Variants in DOCK9 observed in about 807,000 individuals in gnomAD.
The protein encoded by DOCK9 is dedicator of cytokinesis protein 9.
A neutral mutation model predicts 263.3 loss-of-function variants in DOCK9; 89 were observed. That is an observed-to-expected ratio of 0.34 (90% CI 0.28 to 0.40). The LOEUF (loss-of-function observed/expected upper bound fraction) is 0.40. DOCK9 is among the 10% of genes least tolerant of loss of function. The pLI is 1.00. For missense variants in DOCK9, 2,140 were observed against 2,603.4 expected, an observed-to-expected ratio of 0.82 and a Z score of 3.87; for synonymous variants, 976 against 973.1, an observed-to-expected ratio of 1.00 and a Z score of -0.06.
intron 6 of DOCK9, 42 bp from the exon 7 acceptor site, chr13:98,921,130 G>A: frequency 6.4e-7 from 1 of 1,561,942 alleles, no homozygotes. Context: ...TCAAAATGAA[G>A]AGGGTCACAA....
chr13:98,881,724 C>T, intron 24 of DOCK9, 97 bp from the exon 25 acceptor site: 1 of 1,345,568 alleles, frequency 7.4e-7, no homozygotes, highest in Non-Finnish European at 1.0e-6. Flanking sequence ...ATGCTATCAG[C>T]ACTTAGGAAA....
chr13:98,978,275 A>T (rs1440622567), upstream of DOCK9, among the ~76,000 whole-genome samples: 1 of 152,256 alleles, frequency 6.6e-6, no homozygotes, highest in Non-Finnish European at 1.5e-5. Flanking sequence ...TGCAGTGTTT[A>T]AAAGAAAACC....
intron 1 of DOCK9, among the ~76,000 whole-genome samples, chr13:99,001,411 A>G (rs1202814707): frequency 6.6e-6 from 1 of 152,206 alleles, no homozygotes; most frequent in African/African-American, 2.4e-5. Context: ...GTATCTTTTC[A>G]TCCTCTTTCT....
chr13:99,027,785 C>T (rs1181059466), intron 1 of DOCK9, among the ~76,000 whole-genome samples: 2 of 152,156 alleles, frequency 1.3e-5, no homozygotes, highest in African/African-American at 4.8e-5. Context: ...CAGGACCACT[C>T]GTGGCTCATG....
chr13:98,978,928 T>A (rs1876130564), upstream of DOCK9, among the ~76,000 whole-genome samples: 2 of 152,118 alleles, frequency 1.3e-5, no homozygotes, highest in Admixed American at 6.5e-5. Context: ...TTCCTCACAT[T>A]TAACAGTGGA....
At chr13:98,950,054 A>C in intron 2 of DOCK9, 2 of 461,068 alleles carry the variant, frequency 4.3e-6, no homozygotes, top group Non-Finnish European at 8.2e-6. Flanking sequence ...AGGTTCTACT[A>C]TAAGCAACAT....
intron 9 of DOCK9, among the ~76,000 whole-genome samples, chr13:98,909,906 G>T (rs76244549): frequency 3.9e-5 from 6 of 152,120 alleles, no homozygotes; most frequent in Non-Finnish European, 8.8e-5. Context: ...ATGCAACTGT[G>T]GAAGATTTAC....
chr13:99,074,675 T>G (rs944991121), intron 1 of DOCK9, among the ~76,000 whole-genome samples: 1 of 152,256 alleles, frequency 6.6e-6, no homozygotes, highest in Non-Finnish European at 1.5e-5. Flanking sequence ...TCATGTGAAT[T>G]CTTGGTAAAC....
chr13:98,942,590 T>C (rs556373806), intron 2 of DOCK9, among the ~76,000 whole-genome samples: 12 of 152,332 alleles, frequency 7.9e-5, no homozygotes, highest in African/African-American at 2.6e-4. Context: ...CATAATTCTG[T>C]GTGAACATCT....
Position 98,897,661 on chromosome 13 carries a change from C to T in DOCK9, c.1587-51G>A, listed in dbSNP as rs139590929. 4.6e-4 allele frequency: 735 copies of T among 1,600,296 alleles called. 2 individuals carry two copies. In the African/African-American group the frequency reaches 8.0e-3, roughly 18 times the overall value. On this transcript the variant is annotated intron_variant, in intron 14 of 52. Transcript: ENST00000682017. ...AACTGGGTTTCCAAAACACCAAAATCAATTCATTATTTAAGTCTAGTTTCT... is the reference window on the plus strand; with the variant it reads ...AACTGGGTTTCCAAAACACCAAAATTAATTCATTATTTAAGTCTAGTTTCT...
At chr13:99,004,594 TC>T (rs947627755) in intron 1 of DOCK9, among the ~76,000 whole-genome samples, 1 of 152,188 alleles carries the variant, frequency 6.6e-6, no homozygotes, top group Non-Finnish European at 1.5e-5. Context: ...CTCCAAGTGG[TC>T]CCTCTGCTTC....
intron 34 of DOCK9, among the ~76,000 whole-genome samples, chr13:98,854,902 T>G (rs1435090325): frequency 1.3e-5 from 2 of 152,136 alleles, no homozygotes; most frequent in Non-Finnish European, 2.9e-5. Context: ...TGAGGAAGGA[T>G]GTCTTCCGGG....
At chr13:99,001,489 T>A (rs1290855159) in intron 1 of DOCK9, among the ~76,000 whole-genome samples, 1 of 152,226 alleles carries the variant, frequency 6.6e-6, no homozygotes, top group Non-Finnish European at 1.5e-5. Flanking sequence ...TTTCATTCAG[T>A]TTCTCTTGTG....
intron 1 of DOCK9, among the ~76,000 whole-genome samples, chr13:98,997,540 G>A (rs1656429571): frequency 6.6e-6 from 1 of 152,346 alleles, no homozygotes; most frequent in African/African-American, 2.4e-5. Context: ...GAGCAGACCA[G>A]TAGCGATGTG....
chr13:98,912,169 A>T (rs1156307856), intron 9 of DOCK9, among the ~76,000 whole-genome samples: 1 of 152,134 alleles, frequency 6.6e-6, no homozygotes, highest in African/African-American at 2.4e-5. Context: ...ACTATGCCCG[A>T]CCTAAAAAAA....
At chr13:98,856,240 A>T in intron 33 of DOCK9, 1 of 458,638 alleles carries the variant, frequency 2.2e-6, no homozygotes, top group Non-Finnish European at 3.8e-6. Context: ...TCAGATGTAA[A>T]CATCAATTCA....
In DOCK9 at chr13:98,943,870, C is replaced by T. The variant is rs2056325339; in HGVS notation, c.243+11565G>A. ...AGGGATAGGGGATGAATGCTAGAGA[C>T]ACAGTATATACTTCATAAATTTCCA... On this transcript the variant is annotated intron_variant, in intron 2 of 52. Coordinates refer to ENST00000682017, the MANE Select transcript of DOCK9 (RefSeq NM_001366683.2). Among the ~76,000 whole-genome samples the T allele has an allele frequency of 2.0e-5, 3 of 152,106 alleles. No individual in the cohort carries two copies. In the South Asian group the frequency reaches 6.2e-4, roughly 32 times the overall value.
chr13:98,860,361 C>T (rs1482459214), intron 33 of DOCK9, 44 bp downstream of exon 33: 1 of 1,554,262 alleles, frequency 6.4e-7, no homozygotes, highest in Non-Finnish European at 8.7e-7. Flanking sequence ...AAGACACTTT[C>T]AGAGTGATGG....
rs562201555 is a variant in DOCK9 at position 98,831,246 on chromosome 13, T to A, written c.4635+102A>T. On this transcript the variant is annotated intron_variant, in intron 41 of 52. Coordinates refer to ENST00000682017, the MANE Select transcript of DOCK9 (RefSeq NM_001366683.2). ...TCCCAGTTTTCCAGATCTTGCAGTA[T>A]CTTTATGACAAGGTAAATTGGTTAA... 3 of 1,297,292 alleles carry A rather than the reference T, an allele frequency of 2.3e-6. No individual in the cohort carries two copies. In the South Asian group the frequency reaches 4.8e-5, roughly 21 times the overall value. 80.4% of individuals were successfully genotyped at this position (1,297,292 alleles called of 1,614,324 possible). A position where few individuals can be genotyped will look rare whatever the true frequency, so the allele number is the denominator to read the frequency against.
Sources: gnomAD v4.1 joint callset for allele counts (sites outside exome capture counted in the v4.1 genomes callset) on GRCh38, gnomAD v4.1.1 for gene constraint, MANE v1.5 for transcripts, NCBI Gene and HGNC (gene_info 2026-07-23, HGNC 2026-07-21) for gene names.